The following CNTN4 variants were observed in gnomAD, a reference collection of about 807,000 sequenced individuals.
CNTN4 encodes the protein contactin-4.
In CNTN4, 77 loss-of-function variants were observed where a neutral mutation model predicts 122.5. The ratio of observed to expected loss-of-function variants is 0.63; its 90% confidence interval spans 0.52 to 0.76. CNTN4 has a LOEUF of 0.76. Ranked by LOEUF, CNTN4 falls within the 30% of genes least tolerant of loss-of-function variation. CNTN4 has a pLI of 0.00. For missense variants in CNTN4, 1,256 were observed against 1,259.1 expected (o/e 1.00, Z 0.04); for synonymous variants, 512 against 447.0 (o/e 1.15, Z -1.83).
intron 2 of CNTN4, among the ~76,000 whole-genome samples, chr3:2,298,113 T>C (rs921029805): frequency 6.6e-6 from 1 of 152,246 alleles, no homozygotes; most frequent in Non-Finnish European, 1.5e-5. Flanking sequence ...GTTGGTTGAA[T>C]GAACAATTAG....
intron 4 of CNTN4, among the ~76,000 whole-genome samples, chr3:2,622,815 G>C (rs938804500): frequency 6.6e-6 from 1 of 152,156 alleles, no homozygotes; most frequent in African/African-American, 2.4e-5. Flanking sequence ...GCAAGATCAC[G>C]CAGCTGGTGT....
At chr3:2,712,461 C>A (rs1446728297) in intron 4 of CNTN4, among the ~76,000 whole-genome samples, 1 of 152,022 alleles carries the variant, frequency 6.6e-6, no homozygotes, top group African/African-American at 2.4e-5. Flanking sequence ...TGATTAAGAT[C>A]CCTGTAACAG....
intron 2 of CNTN4, among the ~76,000 whole-genome samples, chr3:2,213,231 T>C (rs1185168535): frequency 6.6e-6 from 1 of 152,154 alleles, no homozygotes; most frequent in Non-Finnish European, 1.5e-5. Context: ...ATGAGATGTT[T>C]TGTCTAACTT....
chr3:2,780,802 G>C (rs1001848256), intron 6 of CNTN4, among the ~76,000 whole-genome samples: 2 of 152,158 alleles, frequency 1.3e-5, no homozygotes, highest in Non-Finnish European at 2.9e-5. Context: ...CATTTCCTGA[G>C]AGGTAAAGTT....
chr3:2,713,868 T>C lies in CNTN4; in HGVS notation c.56-22347T>C, dbSNP rs558004841. On this transcript the variant is annotated intron_variant, in intron 4 of 24. Coordinates refer to ENST00000418658, the MANE Select transcript of CNTN4 (RefSeq NM_175607.3). ...GCTCTGTCATTTAGGCATATTGCCT[T>C]GGGAAAGGAACTTAAGTGTTCACAA... is the stretch of plus-strand genomic sequence containing the variant. 2.4e-4 allele frequency among the ~76,000 whole-genome samples: 36 copies of C among 152,324 alleles called. No individual in the cohort carries two copies. The East Asian group carries it at 6.0e-3, about 25-fold the overall frequency.
chr3:2,413,149 T>C (rs1250718251), intron 3 of CNTN4, among the ~76,000 whole-genome samples: 1 of 152,206 alleles, frequency 6.6e-6, no homozygotes, highest in Non-Finnish European at 1.5e-5. Flanking sequence ...CTAACCAAAA[T>C]TGTCAGAGGG....
chr3:2,650,802 A>T (rs1189912689), intron 4 of CNTN4, among the ~76,000 whole-genome samples: 1 of 152,228 alleles, frequency 6.6e-6, no homozygotes, highest in African/African-American at 2.4e-5. Flanking sequence ...TACACTTATT[A>T]AACTGCAGTA....
At position 2,579,518 on chromosome 3, in the gene CNTN4, C is replaced by A. The variant is rs375732000; in HGVS notation, c.55+7960C>A. Among the ~76,000 whole-genome samples the A allele has an allele frequency of 3.3e-4, 44 of 134,310 alleles. No individual in the cohort carries two copies. The East Asian group carries it at 7.8e-3, about 24-fold the overall frequency. The allele number at this position is 134,310 out of a possible 152,430, so 88.1% of individuals were successfully genotyped here. ...GTTGTGTGATAAAGGTACATCATCT[C>A]CCTAGGTCATGGGTTTCTTTTTTTT... On this transcript the variant is annotated intron_variant, in intron 4 of 24. Transcript: ENST00000418658.
chr3:2,937,202 A>C (rs2094574721), intron 13 of CNTN4, among the ~76,000 whole-genome samples: 1 of 152,182 alleles, frequency 6.6e-6, no homozygotes, highest in South Asian at 2.1e-4. Context: ...CACTTCCAGC[A>C]TGTCCGTCTT....
At chr3:2,506,434 A>T (rs1427908825) in intron 3 of CNTN4, among the ~76,000 whole-genome samples, 2 of 152,220 alleles carry the variant, frequency 1.3e-5, no homozygotes, top group African/African-American at 4.8e-5. Context: ...AGAATGATGT[A>T]GGGGATACCA....
At chr3:2,515,424 T>G (rs1457086087) in intron 3 of CNTN4, among the ~76,000 whole-genome samples, 3 of 152,156 alleles carry the variant, frequency 2.0e-5, no homozygotes, top group African/African-American at 7.2e-5. Flanking sequence ...GCTTGATTTT[T>G]AAAAAGAGAA....
At chr3:2,173,087 A>G (rs2036588935) in intron 2 of CNTN4, among the ~76,000 whole-genome samples, 1 of 152,188 alleles carries the variant, frequency 6.6e-6, no homozygotes, top group Non-Finnish European at 1.5e-5. Flanking sequence ...TTTTCAGTTC[A>G]TTGGAAGGAT....
intron 2 of CNTN4, among the ~76,000 whole-genome samples, chr3:2,237,671 T>A (rs2039737934): frequency 6.6e-6 from 1 of 150,762 alleles, no homozygotes; most frequent in African/African-American, 2.5e-5. Context: ...AATATTTTAT[T>A]TCTGGTCTAA....
At position 2,986,787 on chromosome 3, in the gene CNTN4, A is replaced by T. The variant is rs372316151; in HGVS notation, c.1359-1558A>T. On this transcript the variant is annotated intron_variant, in intron 13 of 24. Transcript: ENST00000418658. ...CCTTAGGTTATTTATTTATTCATGT[A>T]TTTACTCGGCCACTTAAGAAATATT... 1.5e-3 allele frequency among the ~76,000 whole-genome samples: 223 copies of T among 152,196 alleles called. 1 individual carries two copies. The highest frequency in any genetic ancestry group is 5.3e-3 in the African/African-American group (219 of 41,526).
intron 3 of CNTN4, among the ~76,000 whole-genome samples, chr3:2,384,779 T>TGTG (rs2046179036): frequency 6.6e-6 from 1 of 152,086 alleles, no homozygotes; most frequent in African/African-American, 2.4e-5. Context: ...TGTGTGTGTG[T>TGTG]GTGTGTGTGT....
intron 4 of CNTN4, among the ~76,000 whole-genome samples, chr3:2,646,829 C>G (rs542460344): frequency 6.6e-6 from 1 of 152,140 alleles, no homozygotes; most frequent in Non-Finnish European, 1.5e-5. Flanking sequence ...CAAATTTCCT[C>G]TTCTTATAAG....
At chr3:2,660,682 A>G (rs1394320677) in intron 4 of CNTN4, among the ~76,000 whole-genome samples, 1 of 152,202 alleles carries the variant, frequency 6.6e-6, no homozygotes, top group East Asian at 1.9e-4. Context: ...ACCTGCCTCT[A>G]TTTGTCTCCA....
intron 12 of CNTN4, among the ~76,000 whole-genome samples, chr3:2,922,991 C>T (rs1435847649): frequency 6.6e-6 from 1 of 152,176 alleles, no homozygotes; most frequent in African/African-American, 2.4e-5. Flanking sequence ...AGATTATATG[C>T]ACACCAATAG....
intron 6 of CNTN4, among the ~76,000 whole-genome samples, chr3:2,799,810 T>C (rs2092302658): frequency 6.6e-6 from 1 of 152,186 alleles, no homozygotes; most frequent in East Asian, 1.9e-4. Flanking sequence ...TATTTTTATA[T>C]ATGGTGAGAG....
Sources: gnomAD v4.1 joint callset for allele counts (sites outside exome capture counted in the v4.1 genomes callset) on GRCh38, gnomAD v4.1.1 for gene constraint, MANE v1.5 for transcripts, NCBI Gene and HGNC (gene_info 2026-07-23, HGNC 2026-07-21) for gene names.